Variants in MGAT5 observed in about 807,000 individuals in gnomAD.
The protein encoded by MGAT5 is alpha-1,6-mannosylglycoprotein 6-beta-N-acetylglucosaminyltransferase.
MGAT5 carries 30 observed loss-of-function variants against 94.3 expected under a neutral mutation model. The observed-to-expected ratio is 0.32, with a 90% CI of 0.24 to 0.43. The LOEUF (loss-of-function observed/expected upper bound fraction) is 0.43, where lower values mean the gene tolerates loss of function less well. Ranked by LOEUF, MGAT5 falls within the 20% of genes least tolerant of loss-of-function variation. The pLI, the probability that MGAT5 is intolerant of heterozygous loss-of-function variation, is 1.00. For synonymous variants in MGAT5, 310 were observed against 322.9 expected, an observed-to-expected ratio of 0.96 and a Z score of 0.43; for missense variants, 691 against 905.5, an observed-to-expected ratio of 0.76 and a Z score of 3.04.
In MGAT5 at chr2:134,450,775, G is replaced by GGTGA. The variant is rs1383380466; in HGVS notation, c.*1936_*1939dup. On this transcript the variant is annotated 3_prime_UTR_variant, in exon 16 of 16. Transcript: ENST00000281923. ...AGGGCAGAAGTCCAAAGGAAACCTT[G>GGTGA]GTGAGTGAGTGTGTGTGTGTGTGTG... 4 of 143,052 alleles carry GGTGA rather than the reference G, an allele frequency of 2.8e-5. No homozygotes were observed. The highest frequency in any genetic ancestry group is 1.5e-4 in the Admixed American group (2 of 13,534). The allele number at this position is 143,052 out of a possible 1,614,324, so 8.9% of individuals were successfully genotyped here. A position where few individuals can be genotyped will look rare whatever the true frequency, so the allele number is the denominator to read the frequency against.
intron 2 of MGAT5, among the ~76,000 whole-genome samples, chr2:134,295,030 C>A (rs1043130579): frequency 2.2e-4 from 34 of 152,178 alleles, no homozygotes; most frequent in African/African-American, 8.2e-4. Flanking sequence ...GGCAAAACTG[C>A]TGGCAAGTGT....
chr2:134,178,775 GTGTCCTC>G (rs752919427), intron 1 of MGAT5, among the ~76,000 whole-genome samples: 39 of 152,134 alleles, frequency 2.6e-4, no homozygotes, highest in Admixed American at 5.9e-4. Context: ...GTTAACACCT[GTGTCCTC>G]TCTTCATGTT....
chr2:134,365,630 G>A (rs1253694018), intron 10 of MGAT5, among the ~76,000 whole-genome samples: 2 of 152,184 alleles, frequency 1.3e-5, no homozygotes, highest in Admixed American at 6.5e-5. Flanking sequence ...GAATTAGGGT[G>A]CAGTGGAGGG....
At chr2:134,403,277 C>T in intron 11 of MGAT5, 140 bp downstream of exon 11, 1 of 772,940 alleles carries the variant, frequency 1.3e-6, no homozygotes, top group Non-Finnish European at 2.0e-6. Flanking sequence ...AGACCAATGG[C>T]AGCTGAAAAG....
At chr2:134,309,467 A>G (rs1686521526) in intron 2 of MGAT5, among the ~76,000 whole-genome samples, 1 of 152,210 alleles carries the variant, frequency 6.6e-6, no homozygotes, top group African/African-American at 2.4e-5. Context: ...ATCCTTGGCA[A>G]CACTTGTTAT....
At chr2:134,341,305 T>C (rs1032314240) in intron 6 of MGAT5, among the ~76,000 whole-genome samples, 1 of 152,210 alleles carries the variant, frequency 6.6e-6, no homozygotes. Flanking sequence ...CTTACCTTCC[T>C]TTAATCCCGA....
At chr2:134,176,947 C>T (rs563632061) in intron 1 of MGAT5, among the ~76,000 whole-genome samples, 10 of 152,242 alleles carry the variant, frequency 6.6e-5, no homozygotes, top group Non-Finnish European at 1.0e-4. Context: ...TCACTGGTCT[C>T]CCGACAGGAC....
chr2:134,357,973 A>C (rs1679854141), intron 9 of MGAT5, among the ~76,000 whole-genome samples: 1 of 152,160 alleles, frequency 6.6e-6, no homozygotes, highest in Non-Finnish European at 1.5e-5. Flanking sequence ...ACTATTTTTC[A>C]ATGAATTTTT....
chr2:134,181,904 T>C (rs777784321), intron 1 of MGAT5, among the ~76,000 whole-genome samples: 2 of 152,208 alleles, frequency 1.3e-5, no homozygotes, highest in Non-Finnish European at 2.9e-5. Context: ...AATATGCTCT[T>C]GTGTTTAGAG....
At chr2:134,172,203 ACAT>A (rs1356865702) in intron 1 of MGAT5, among the ~76,000 whole-genome samples, 3 of 152,130 alleles carry the variant, frequency 2.0e-5, no homozygotes, top group African/African-American at 7.2e-5. Flanking sequence ...CCCAGCACAC[ACAT>A]CATCATGGTG....
intron 4 of MGAT5, among the ~76,000 whole-genome samples, chr2:134,334,318 A>C (rs1235758584): frequency 6.6e-6 from 1 of 151,918 alleles, no homozygotes; most frequent in East Asian, 1.9e-4. Context: ...GTGAGGAGAG[A>C]ACTTTATGAG....
chr2:134,162,990 T>C (rs1180673972), intron 1 of MGAT5, among the ~76,000 whole-genome samples: 1 of 152,164 alleles, frequency 6.6e-6, no homozygotes, highest in African/African-American at 2.4e-5. Flanking sequence ...TTGTCAAATA[T>C]TTGTGGAGTG....
chr2:134,200,655 TC>T (rs1222012629), intron 1 of MGAT5, among the ~76,000 whole-genome samples: 1 of 152,190 alleles, frequency 6.6e-6, no homozygotes, highest in Non-Finnish European at 1.5e-5. Context: ...TCTGTTTTAA[TC>T]ACGAAGTATG....
At chr2:134,400,131 C>T (rs1423226790) in intron 10 of MGAT5, among the ~76,000 whole-genome samples, 2 of 152,102 alleles carry the variant, frequency 1.3e-5, no homozygotes, top group Admixed American at 6.5e-5. Flanking sequence ...GTCCATGGAG[C>T]TTGAAGGGGA....
At chr2:134,142,802 T>A (rs1266085482) in intron 1 of MGAT5, among the ~76,000 whole-genome samples, 1 of 152,166 alleles carries the variant, frequency 6.6e-6, no homozygotes, top group Middle Eastern at 3.2e-3. Context: ...AGGGGCGGGA[T>A]AAAGACAAGG....
intron 10 of MGAT5, among the ~76,000 whole-genome samples, chr2:134,390,166 A>G (rs925367626): frequency 3.3e-5 from 5 of 152,226 alleles, no homozygotes; most frequent in Non-Finnish European, 7.3e-5. Context: ...TATTTATGGT[A>G]TACAAATATT....
chr2:134,448,945 C>T lies in MGAT5; in HGVS notation c.*98C>T, dbSNP rs1052243640. 2.5e-5 allele frequency: 32 copies of T among 1,299,574 alleles called. No individual in the cohort carries two copies. In the African/African-American group the frequency reaches 4.1e-4, roughly 17 times the overall value. The allele number at this position is 1,299,574 out of a possible 1,614,324, so 80.5% of individuals were successfully genotyped here. A position where few individuals can be genotyped will look rare whatever the true frequency, so the allele number is the denominator to read the frequency against. ...GACAGAAGTCATGCAGGGACTCTGGCAAGAGCCTGAACTTTTTCGTAGAAG... is the reference window on the plus strand; with the variant it reads ...GACAGAAGTCATGCAGGGACTCTGGTAAGAGCCTGAACTTTTTCGTAGAAG... On this transcript the variant is annotated 3_prime_UTR_variant, in exon 16 of 16. Coordinates refer to ENST00000281923, the MANE Select transcript of MGAT5 (RefSeq NM_002410.5).
At chr2:134,191,122 C>T (rs903207635) in intron 1 of MGAT5, among the ~76,000 whole-genome samples, 1 of 152,208 alleles carries the variant, frequency 6.6e-6, no homozygotes, top group African/African-American at 2.4e-5. Context: ...GTATTATGTG[C>T]CTGGCACATA....
chr2:134,193,677 G>T (rs1465697493), intron 1 of MGAT5, among the ~76,000 whole-genome samples: 2 of 24,796 alleles, frequency 8.1e-5, no homozygotes, highest in East Asian at 2.8e-3. Flanking sequence ...CCAAATCTTT[G>T]TGTGTGTGTG....
Sources: allele counts gnomAD v4.1 joint callset (sites outside exome capture counted in the v4.1 genomes callset), GRCh38; gene constraint gnomAD v4.1.1; transcripts MANE v1.5; gene names NCBI Gene and HGNC (gene_info 2026-07-23, HGNC 2026-07-21).